ASIC2: variants seen among roughly 807,000 people sequenced by gnomAD.
ASIC2 encodes acid-sensing ion channel 2.
Under a neutral mutation model 57.3 loss-of-function variants are expected in ASIC2, and 25 were observed. The observed-to-expected ratio is 0.44, with a 90% CI of 0.32 to 0.61. The LOEUF (loss-of-function observed/expected upper bound fraction) is 0.61, where lower values mean the gene tolerates loss of function less well. ASIC2 is among the 20% of genes least tolerant of loss of function. The pLI, the probability that ASIC2 is intolerant of heterozygous loss-of-function variation, is 0.06. For missense variants in ASIC2, 641 were observed against 738.1 expected (o/e 0.87, Z 1.52); for synonymous variants, 319 against 307.5 (o/e 1.04, Z -0.39).
chr17:33,112,981 G>A lies in ASIC2; in HGVS notation c.709-914C>T, dbSNP rs538349497. On this transcript the variant is annotated intron_variant, in intron 1 of 9. Transcript: ENST00000225823. ...CCTGCCTTTCACTGTGCTGCTTCCC[G>A]CCTGAGTCCAGCAGCATCCACTGGA... 9.2e-5 allele frequency among the ~76,000 whole-genome samples: 14 copies of A among 152,194 alleles called. No individual in the cohort carries two copies. In the South Asian group the frequency reaches 2.1e-3, roughly 23 times the overall value.
At position 33,599,875 on chromosome 17, in the gene ASIC2, T is replaced by C. The variant is rs114204953; in HGVS notation, c.556-487808A>G. On this transcript the variant is annotated intron_variant, in intron 1 of 9. Transcript: ENST00000359872. Reference sequence around the variant, plus strand: ...AAGGATGGCTCAGACTTCCCACTACTCTCCTTTTTCTCCAGTTTCTTTCTC... The same window carrying C: ...AAGGATGGCTCAGACTTCCCACTACCCTCCTTTTTCTCCAGTTTCTTTCTC... Among the ~76,000 whole-genome samples the C allele has an allele frequency of 8.1e-3, 1,240 of 152,320 alleles. 10 individuals carry two copies. Among genetic ancestry groups the C allele is most frequent in the Middle Eastern group, 0.041 (12 of 294 alleles).
At chr17:34,123,234 T>C (rs1911679091) in intron 1 of ASIC2, among the ~76,000 whole-genome samples, 1 of 152,140 alleles carries the variant, frequency 6.6e-6, no homozygotes, top group Admixed American at 6.5e-5. Flanking sequence ...GGGAGAGGAT[T>C]CATCTTCGCC....
chr17:33,668,790 A>G (rs1451518978), intron 1 of ASIC2, among the ~76,000 whole-genome samples: 1 of 152,196 alleles, frequency 6.6e-6, no homozygotes, highest in Non-Finnish European at 1.5e-5. Context: ...GTGTTGGGAC[A>G]CCGTCTGGTA....
chr17:33,653,329 C>T (rs11872069), intron 1 of ASIC2, among the ~76,000 whole-genome samples: 35,671 of 152,156 alleles, frequency 0.23, 4,167 homozygotes, highest in South Asian at 0.27. Context: ...CCTGGCACCT[C>T]TCCTATCTCC....
At chr17:33,801,056 T>C (rs1303222220) in intron 1 of ASIC2, among the ~76,000 whole-genome samples, 1 of 152,078 alleles carries the variant, frequency 6.6e-6, no homozygotes, top group African/African-American at 2.4e-5. Flanking sequence ...GGAAAGGAGA[T>C]TTGCAATACA....
At chr17:33,136,746 C>T (rs140121182) in intron 1 of ASIC2, among the ~76,000 whole-genome samples, 1 of 152,158 alleles carries the variant, frequency 6.6e-6, no homozygotes, top group Admixed American at 6.5e-5. Flanking sequence ...CATTGCTCAC[C>T]CACGGAACCC....
At chr17:33,660,362 CTT>C (rs1479160305) in intron 1 of ASIC2, among the ~76,000 whole-genome samples, 9 of 152,010 alleles carry the variant, frequency 5.9e-5, no homozygotes, top group East Asian at 3.8e-4. Context: ...AAAAATGACT[CTT>C]GTAGTAGCAC....
At chr17:33,451,568 C>A (rs919571190) in intron 1 of ASIC2, among the ~76,000 whole-genome samples, 2 of 152,210 alleles carry the variant, frequency 1.3e-5, no homozygotes, top group African/African-American at 4.8e-5. Context: ...TCCCGTGACA[C>A]AAAACCAACT....
chr17:34,053,498 A>G (rs1053797713), intron 1 of ASIC2, among the ~76,000 whole-genome samples: 2 of 152,246 alleles, frequency 1.3e-5, no homozygotes, highest in African/African-American at 4.8e-5. Context: ...TATGGGCAAC[A>G]TCCCACAGTA....
intron 1 of ASIC2, among the ~76,000 whole-genome samples, chr17:33,188,192 T>G (rs2142065481): frequency 6.6e-6 from 1 of 152,096 alleles, no homozygotes; most frequent in Middle Eastern, 3.4e-3. Context: ...AATGCACTGG[T>G]TGGAATTAAC....
chr17:34,156,621 C>G lies in ASIC2; in HGVS notation c.-89G>C. 7.3e-7 allele frequency: 1 copy of G among 1,370,938 alleles called. No individual in the cohort carries two copies. The highest frequency in any genetic ancestry group is 9.8e-7 in the Non-Finnish European group (1 of 1,019,606). 84.9% of individuals were successfully genotyped at this position (1,370,938 alleles called of 1,614,324 possible). The stretch of plus-strand genomic sequence containing the variant: ...TCCTCGGGCTCTGCTTAAACCTTGA[C>G]GTTCAGGGGAGAGAACGCAAGGCAA... On this transcript the variant is annotated 5_prime_UTR_variant, in exon 1 of 10. Coordinates refer to the ASIC2 transcript ENST00000359872. This position sits in a 1 kb window ranked among gnomAD's most constrained non-coding sequence, Gnocchi z 4.4.
At chr17:33,949,031 A>G (rs760811604) in intron 1 of ASIC2, among the ~76,000 whole-genome samples, 5 of 152,202 alleles carry the variant, frequency 3.3e-5, no homozygotes, top group Non-Finnish European at 5.9e-5. Context: ...GTCTTTATAA[A>G]TGGACATCTA....
At chr17:33,985,389 G>A (rs780497834) in intron 1 of ASIC2, among the ~76,000 whole-genome samples, 1 of 152,108 alleles carries the variant, frequency 6.6e-6, no homozygotes, top group African/African-American at 2.4e-5. Context: ...AAACTTTAAT[G>A]TGTCCTCGGA....
intron 1 of ASIC2, among the ~76,000 whole-genome samples, chr17:33,332,264 G>C (rs765115067): frequency 6.6e-6 from 1 of 152,248 alleles, no homozygotes; most frequent in Non-Finnish European, 1.5e-5. Flanking sequence ...AGACACACAT[G>C]CAATTTTACA....
At chr17:34,044,640 G>A (rs538769337) in intron 1 of ASIC2, among the ~76,000 whole-genome samples, 59 of 152,232 alleles carry the variant, frequency 3.9e-4, no homozygotes, top group African/African-American at 1.1e-3. Context: ...TACCAAATTC[G>A]TCTGTTTCTC....
Position 33,293,102 on chromosome 17 carries a change from G to A in ASIC2, c.-987C>T. ...CGCCAACACCTCCCGGGGGTGACCC[G>A]GACTCGCTGCTCCGCGCGCCCTTCT... On this transcript the variant is annotated 5_prime_UTR_variant, in exon 1 of 10. Coordinates refer to ENST00000225823, the MANE Select transcript of ASIC2 (RefSeq NM_183377.2). 6.5e-6 allele frequency: 6 copies of A among 926,770 alleles called. No individual in the cohort carries two copies. The highest frequency in any genetic ancestry group is 5.2e-6 in the Non-Finnish European group (4 of 776,566). 57.4% of individuals were successfully genotyped at this position (926,770 alleles called of 1,614,324 possible). A position where few individuals can be genotyped will look rare whatever the true frequency, so the allele number is the denominator to read the frequency against.
intron 1 of ASIC2, among the ~76,000 whole-genome samples, chr17:33,629,290 A>G (rs911915962): frequency 1.8e-4 from 27 of 150,494 alleles, no homozygotes; most frequent in African/African-American, 5.2e-4. Flanking sequence ...ATGATCCACT[A>G]TTAAGGATGA....
At chr17:33,671,655 C>T (rs1174485371) in intron 1 of ASIC2, among the ~76,000 whole-genome samples, 1 of 152,118 alleles carries the variant, frequency 6.6e-6, no homozygotes, top group East Asian at 1.9e-4. Flanking sequence ...TTGGGAGGGT[C>T]CAAAGGTCTT....
At chr17:33,893,444 C>T (rs1915014300) in intron 1 of ASIC2, among the ~76,000 whole-genome samples, 1 of 152,102 alleles carries the variant, frequency 6.6e-6, no homozygotes, top group African/African-American at 2.4e-5. Flanking sequence ...AAAGACTTAA[C>T]GTAGGTCAGG....
Sources: gnomAD v4.1 joint callset for allele counts (sites outside exome capture counted in the v4.1 genomes callset) on GRCh38, gnomAD v4.1.1 for gene constraint, Gnocchi (gnomAD v3.1) non-coding constraint, MANE v1.5 for transcripts, NCBI Gene and HGNC (gene_info 2026-07-23, HGNC 2026-07-21) for gene names.